The following GPHN variants were observed in gnomAD, a reference collection of about 807,000 sequenced individuals.
The protein encoded by GPHN is gephyrin.
Under a neutral mutation model 95.5 loss-of-function variants are expected in GPHN, and 17 were observed. The ratio of observed to expected loss-of-function variants is 0.18; its 90% CI spans 0.12 to 0.27. GPHN has a LOEUF of 0.27. GPHN is among the 10% of genes least tolerant of loss of function. The pLI is 1.00. For synonymous variants in GPHN, 320 were observed against 322.5 expected, an observed-to-expected ratio of 0.99 and a Z score of 0.08; for missense variants, 660 against 978.1, an observed-to-expected ratio of 0.67 and a Z score of 4.34.
chr14:67,687,999 C>T, the GPHN span, among the ~76,000 whole-genome samples: 1 of 152,092 alleles, frequency 6.6e-6, no homozygotes, highest in African/African-American at 2.4e-5. Flanking sequence ...TCTCGAACTC[C>T]TGACCTCAGG....
At chr14:66,795,396 GTATT>G (rs1222185905) in intron 3 of GPHN, among the ~76,000 whole-genome samples, 1 of 151,972 alleles carries the variant, frequency 6.6e-6, no homozygotes, top group Non-Finnish European at 1.5e-5. Context: ...TGCACTCACT[GTATT>G]TAGACAGTTT....
chr14:67,317,451 G>A, the GPHN span: 1 of 1,611,480 alleles, frequency 6.2e-7, no homozygotes, highest in Non-Finnish European at 8.5e-7. Context: ...AGAGGAAAAA[G>A]GTTTTATATA....
At chr14:67,528,436 T>C in the GPHN span, among the ~76,000 whole-genome samples, 1 of 152,216 alleles carries the variant, frequency 6.6e-6, no homozygotes, top group Non-Finnish European at 1.5e-5. Flanking sequence ...TGCCACCTAC[T>C]TAAAGCTGGT....
the GPHN span, among the ~76,000 whole-genome samples, chr14:67,305,634 C>T: frequency 6.6e-6 from 1 of 152,164 alleles, no homozygotes; most frequent in Non-Finnish European, 1.5e-5. Context: ...ATCTGGAATT[C>T]TGTAAAAGAA....
the GPHN span, among the ~76,000 whole-genome samples, chr14:67,257,165 G>A: frequency 5.9e-5 from 9 of 152,136 alleles, no homozygotes; most frequent in East Asian, 1.9e-4. Context: ...GCATTCTTTC[G>A]AGTCCTTGAT....
chr14:66,687,624 G>A (rs2067475656), intron 2 of GPHN, among the ~76,000 whole-genome samples: 1 of 151,586 alleles, frequency 6.6e-6, no homozygotes, highest in Non-Finnish European at 1.5e-5. Flanking sequence ...TGAGTAGCTG[G>A]GATTACAGGC....
the GPHN span, among the ~76,000 whole-genome samples, chr14:67,530,899 G>A: frequency 3.3e-5 from 5 of 152,146 alleles, no homozygotes; most frequent in Non-Finnish European, 5.9e-5. Context: ...AAAAGAAGAC[G>A]AATGGCCTCC....
At chr14:67,120,909 T>A (rs1039464940) in intron 16 of GPHN, among the ~76,000 whole-genome samples, 1 of 152,192 alleles carries the variant, frequency 6.6e-6, no homozygotes, top group Non-Finnish European at 1.5e-5. Context: ...GGTCACAGTT[T>A]TCCTGTAGCC....
chr14:67,473,401 C>T, the GPHN span: 1 of 1,608,984 alleles, frequency 6.2e-7, no homozygotes, highest in Non-Finnish European at 8.5e-7. This position sits in a 1 kb window ranked among gnomAD's most constrained non-coding sequence, Gnocchi z 6.5. Context: ...GATCCCCAGG[C>T]CCCCCACCCG....
At chr14:67,470,647 C>T in the GPHN span, 1 of 152,874 alleles carries the variant, frequency 6.5e-6, no homozygotes, top group Non-Finnish European at 1.5e-5. Flanking sequence ...GGGACCAGGA[C>T]AAAAGGGCTT....
chr14:67,309,993 T>G, the GPHN span, among the ~76,000 whole-genome samples: 65 of 131,816 alleles, frequency 4.9e-4, no homozygotes, highest in Admixed American at 1.6e-3. Flanking sequence ...ATTCTCAAGG[T>G]TTTTTTTTTT....
the GPHN span, among the ~76,000 whole-genome samples, chr14:67,687,224 T>A: frequency 1.6e-3 from 244 of 152,318 alleles, 1 homozygote; most frequent in Non-Finnish European, 2.6e-3. Context: ...CAACCCCTCT[T>A]GCCCCCATTT....
chr14:66,533,646 A>C (rs1410624362), intron 1 of GPHN, among the ~76,000 whole-genome samples: 1 of 152,228 alleles, frequency 6.6e-6, no homozygotes, highest in Non-Finnish European at 1.5e-5. Flanking sequence ...CTGGCTGTCA[A>C]GTTTCTCATC....
the GPHN span, among the ~76,000 whole-genome samples, chr14:67,554,147 C>T: frequency 1.6e-4 from 24 of 152,316 alleles, 1 homozygote; most frequent in East Asian, 4.2e-3. Flanking sequence ...GGGAAGGCCA[C>T]CCTGAGCAAA....
the GPHN span, among the ~76,000 whole-genome samples, chr14:67,213,281 A>T: frequency 4.7e-4 from 68 of 145,190 alleles, no homozygotes; most frequent in Middle Eastern, 3.4e-3. Flanking sequence ...GTCATTTAGC[A>T]TTAGGTATAT....
At chr14:67,729,569 T>C in the GPHN span, 1 of 660,384 alleles carries the variant, frequency 1.5e-6, no homozygotes, top group South Asian at 1.7e-5. Flanking sequence ...TTGGGAAGAG[T>C]TGCTTTTCTG....
At chr14:66,556,105 G>A (rs2059997116) in intron 1 of GPHN, among the ~76,000 whole-genome samples, 2 of 152,072 alleles carry the variant, frequency 1.3e-5, no homozygotes, top group African/African-American at 4.8e-5. Flanking sequence ...TGTATCTGAA[G>A]ATTCTAAATA....
chr14:67,430,730 G>A, the GPHN span, among the ~76,000 whole-genome samples: 3 of 152,106 alleles, frequency 2.0e-5, no homozygotes, highest in Admixed American at 6.5e-5. Flanking sequence ...TTGATGAAAG[G>A]CCCAGAGACC....
rs183217914 is a variant in GPHN at position 66,851,725 on chromosome 14, G to A, written c.294+27159G>A. Among the ~76,000 whole-genome samples the A allele has an allele frequency of 1.1e-4, 16 of 152,022 alleles. No individual in the cohort carries two copies. The South Asian group carries it at 1.5e-3, about 14-fold the overall frequency. On this transcript the variant is annotated intron_variant, in intron 4 of 22. Transcript: ENST00000478722. ...ACCTTTGTCATATTAAAGGCATTTG[G>A]ATTTTTTTTTCTATTAAGAAATGAG...
Sources: allele counts gnomAD v4.1 joint callset (sites outside exome capture counted in the v4.1 genomes callset), GRCh38; gene constraint gnomAD v4.1.1; non-coding constraint Gnocchi (gnomAD v3.1); transcripts MANE v1.5; gene names NCBI Gene and HGNC (gene_info 2026-07-23, HGNC 2026-07-21).